The following PGM5 variants were observed in gnomAD, a reference collection of about 807,000 sequenced individuals.
PGM5 encodes phosphoglucomutase-like protein 5.
Under a neutral mutation model 59.2 loss-of-function variants are expected in PGM5, and 23 were observed. That is an observed-to-expected ratio of 0.39 (90% CI 0.28 to 0.55). The LOEUF (loss-of-function observed/expected upper bound fraction) is 0.55, where lower values mean the gene tolerates loss of function less well. PGM5 is among the 20% of genes least tolerant of loss of function. PGM5 has a pLI of 0.66. For synonymous variants in PGM5, 214 were observed against 286.0 expected (o/e 0.75, Z 2.54); for missense variants, 574 against 748.3 (o/e 0.77, Z 2.72).
chr9:68,359,876 C>T (rs1418189865), intron 1 of PGM5, among the ~76,000 whole-genome samples: 1 of 152,180 alleles, frequency 6.6e-6, no homozygotes, highest in African/African-American at 2.4e-5. Flanking sequence ...CTGGGTCTCA[C>T]TTTGTTGCCC....
intron 10 of PGM5, among the ~76,000 whole-genome samples, chr9:68,505,836 C>A (rs1387572667): frequency 1.3e-5 from 2 of 152,198 alleles, no homozygotes; most frequent in African/African-American, 4.8e-5. Flanking sequence ...TCCAGCCCTG[C>A]TCCCCTCCCT....
At chr9:68,425,214 G>A (rs782326332) in intron 6 of PGM5, among the ~76,000 whole-genome samples, 3 of 152,118 alleles carry the variant, frequency 2.0e-5, no homozygotes, top group Non-Finnish European at 4.4e-5. Flanking sequence ...CTACAGGAGT[G>A]AGGAAAAAAA....
intron 6 of PGM5, 41 bp downstream of exon 6, chr9:68,392,514 T>A (rs1822391230): frequency 6.2e-7 from 1 of 1,601,314 alleles, no homozygotes; most frequent in Admixed American, 1.7e-5. Context: ...ATGGTAGACC[T>A]TTGGCGTTGA....
intron 7 of PGM5, among the ~76,000 whole-genome samples, chr9:68,467,064 G>A (rs1823946460): frequency 1.3e-5 from 2 of 152,152 alleles, no homozygotes; most frequent in African/African-American, 2.4e-5. Flanking sequence ...GAAGGGTTTG[G>A]GGGAGCAGAA....
chr9:68,409,001 A>G (rs1192077143), intron 6 of PGM5, among the ~76,000 whole-genome samples: 1 of 152,248 alleles, frequency 6.6e-6, no homozygotes, highest in East Asian at 1.9e-4. Flanking sequence ...GTTTGAAGTC[A>G]GGTAGTGTGA....
intron 6 of PGM5, among the ~76,000 whole-genome samples, chr9:68,420,842 A>G (rs1268881768): frequency 6.6e-6 from 1 of 152,210 alleles, no homozygotes; most frequent in African/African-American, 2.4e-5. Context: ...TATAAAATGA[A>G]GATGTAAATG....
intron 6 of PGM5, chr9:68,405,283 A>G (rs1310421108): frequency 1.3e-5 from 2 of 152,204 alleles, no homozygotes; most frequent in African/African-American, 2.4e-5. Context: ...TTCCTTCCCA[A>G]ACTAAATGAC....
chr9:68,401,111 C>G, intron 6 of PGM5, among the ~76,000 whole-genome samples: 2 of 146,124 alleles, frequency 1.4e-5, no homozygotes, highest in Non-Finnish European at 3.0e-5. Context: ...ATGTATTAAA[C>G]TGGCTAGAGT....
chr9:68,377,161 A>T (rs1351861444), intron 1 of PGM5, among the ~76,000 whole-genome samples: 1 of 152,100 alleles, frequency 6.6e-6, no homozygotes, highest in Non-Finnish European at 1.5e-5. Flanking sequence ...TCTGGACCTC[A>T]AGTGATCTGC....
intron 6 of PGM5, among the ~76,000 whole-genome samples, chr9:68,464,769 T>C (rs1823907639): frequency 6.6e-6 from 1 of 152,178 alleles, no homozygotes; most frequent in Non-Finnish European, 1.5e-5. Flanking sequence ...AATACCCTCT[T>C]AATTTAGATT....
intron 7 of PGM5, among the ~76,000 whole-genome samples, chr9:68,476,039 T>C (rs1309677355): frequency 6.6e-6 from 1 of 152,158 alleles, no homozygotes; most frequent in African/African-American, 2.4e-5. Flanking sequence ...CAAAACAATA[T>C]TTTTCCAATT....
chr9:68,518,214 G>A (rs1165401321), intron 10 of PGM5, among the ~76,000 whole-genome samples: 1 of 152,184 alleles, frequency 6.6e-6, no homozygotes, highest in Non-Finnish European at 1.5e-5. Context: ...CATTCCAAAG[G>A]TGGTATACAG....
intron 10 of PGM5, among the ~76,000 whole-genome samples, chr9:68,508,075 T>C (rs1824686924): frequency 1.3e-5 from 2 of 152,230 alleles, no homozygotes; most frequent in Non-Finnish European, 2.9e-5. Context: ...TGTGAAGCCC[T>C]GTGTATCCAC....
At chr9:68,357,505 C>T (rs1309071555) in intron 1 of PGM5, 117 bp downstream of exon 1, 37 of 1,497,978 alleles carry the variant, frequency 2.5e-5, no homozygotes, top group Non-Finnish European at 3.2e-5. Context: ...CCCGGCTTTG[C>T]TACCTCACTC....
intron 6 of PGM5, chr9:68,393,898 G>GAT (rs1375897893): frequency 6.6e-6 from 1 of 151,960 alleles, no homozygotes; most frequent in Non-Finnish European, 1.5e-5. Context: ...AATAAATTGT[G>GAT]ATATATTTAT....
rs782534536 is a variant in PGM5 at position 68,499,313 on chromosome 9, C to T, written c.1566C>T (p.Tyr522=). The change falls in exon 10 of 11, where the codon TAC becomes TAT. Residue 522 remains tyrosine (Y), a synonymous_variant. Transcript: ENST00000396396. The part of the protein sequence containing the change: ...SSGVRATLRL[Y]AESYERDPSG... ...GTGTGCGGGCCACCCTCAGACTGTA[C>T]GCAGAGAGCTACGAGAGGGATCCCA... The T allele has an allele frequency of 5.6e-6, 9 of 1,614,124 alleles. No homozygotes were observed. The highest frequency in any genetic ancestry group is 4.5e-5 in the East Asian group (2 of 44,884).
intron 6 of PGM5, among the ~76,000 whole-genome samples, chr9:68,436,467 C>T (rs959604809): frequency 2.0e-5 from 3 of 152,132 alleles, no homozygotes; most frequent in Non-Finnish European, 4.4e-5. Flanking sequence ...AGAATGAAGA[C>T]GAGCAGCCAG....
At chr9:68,407,635 C>T (rs1336658728) in intron 6 of PGM5, among the ~76,000 whole-genome samples, 2 of 152,172 alleles carry the variant, frequency 1.3e-5, no homozygotes, top group Non-Finnish European at 2.9e-5. Context: ...AAGCCTCAAA[C>T]CCCCAAACAG....
chr9:68,462,398 G>A (rs1212132158), intron 6 of PGM5, among the ~76,000 whole-genome samples: 4 of 152,178 alleles, frequency 2.6e-5, no homozygotes, highest in African/African-American at 9.7e-5. Flanking sequence ...AGGAGAGGGA[G>A]GAGAGAGGGA....
Sources: allele counts gnomAD v4.1 joint callset (sites outside exome capture counted in the v4.1 genomes callset), GRCh38; gene constraint gnomAD v4.1.1; transcripts MANE v1.5; gene names NCBI Gene and HGNC (gene_info 2026-07-23, HGNC 2026-07-21).